CNTNAP2: variants seen among roughly 807,000 people sequenced by gnomAD.
CNTNAP2 encodes contactin associated protein 2.
CNTNAP2 carries 98 observed loss-of-function variants against 155.2 expected under a neutral mutation model. That is an observed-to-expected ratio of 0.63 (90% CI 0.54 to 0.75). The LOEUF (loss-of-function observed/expected upper bound fraction) is 0.75, where lower values mean the gene tolerates loss of function less well. Among genes scored for constraint, CNTNAP2 ranks in the 30% least tolerant of loss-of-function variants. The pLI is 0.00. For missense variants in CNTNAP2, 1,727 were observed against 1,688.1 expected, an observed-to-expected ratio of 1.02 and a Z score of -0.40; for synonymous variants, 651 against 631.2, an observed-to-expected ratio of 1.03 and a Z score of -0.47.
At chr7:147,059,576 G>T (rs1218741027) in intron 4 of CNTNAP2, among the ~76,000 whole-genome samples, 1 of 152,008 alleles carries the variant, frequency 6.6e-6, no homozygotes, top group African/African-American at 2.4e-5. Context: ...GGGTGGTTTG[G>T]TTAACTAAAC....
intron 3 of CNTNAP2, among the ~76,000 whole-genome samples, chr7:146,962,366 G>A (rs1297533122): frequency 6.6e-6 from 1 of 152,130 alleles, no homozygotes; most frequent in Admixed American, 6.5e-5. Flanking sequence ...GTTCATATTT[G>A]AGTGCAAAAT....
intron 3 of CNTNAP2, among the ~76,000 whole-genome samples, chr7:146,958,337 A>G (rs141498959): frequency 1.3e-5 from 2 of 152,238 alleles, no homozygotes; most frequent in Non-Finnish European, 2.9e-5. Context: ...AACACAGAAG[A>G]AAATGACGCA....
chr7:147,052,681 G>T (rs1358470864), intron 4 of CNTNAP2, among the ~76,000 whole-genome samples: 2 of 151,518 alleles, frequency 1.3e-5, no homozygotes, highest in Non-Finnish European at 2.9e-5. Context: ...CTGCTTCATG[G>T]GTTATGTATA....
At chr7:146,455,556 C>T (rs896581430) in intron 1 of CNTNAP2, among the ~76,000 whole-genome samples, 1 of 152,108 alleles carries the variant, frequency 6.6e-6, no homozygotes, top group Non-Finnish European at 1.5e-5. Context: ...ATCCCTGTCT[C>T]GTTTCTTAAT....
intron 21 of CNTNAP2, among the ~76,000 whole-genome samples, chr7:148,356,115 T>C (rs1248027003): frequency 6.6e-6 from 1 of 150,880 alleles, no homozygotes; most frequent in Non-Finnish European, 1.5e-5. Context: ...ATTCACAACT[T>C]TTAAAAATTT....
Position 147,866,025 on chromosome 7 carries a change from T to C in CNTNAP2, c.2099-37540T>C, listed in dbSNP as rs965212864. The stretch of plus-strand genomic sequence containing the variant: ...TTTAATTGTGATGTTAGGATGTCGA[T>C]TTTAGATCTTTCCTGCTTTCTCTTG... On this transcript the variant is annotated intron_variant, in intron 13 of 23. Transcript: ENST00000361727. 1.7e-4 allele frequency among the ~76,000 whole-genome samples: 26 copies of C among 152,224 alleles called. 1 individual carries two copies. Among genetic ancestry groups the C allele is most frequent in the Non-Finnish European group, 3.1e-4 (21 of 68,048 alleles).
intron 13 of CNTNAP2, among the ~76,000 whole-genome samples, chr7:147,774,999 C>T (rs1797536966): frequency 6.6e-6 from 1 of 151,400 alleles, no homozygotes; most frequent in African/African-American, 2.4e-5. Context: ...GACTCTTATA[C>T]CACTCTATGT....
chr7:147,779,293 G>A (rs775774318), intron 13 of CNTNAP2, among the ~76,000 whole-genome samples: 11 of 152,140 alleles, frequency 7.2e-5, no homozygotes, highest in Admixed American at 2.6e-4. Context: ...GATTGAAGAC[G>A]GGAGATTAGA....
At chr7:147,583,917 TC>T (rs1800567528) in intron 12 of CNTNAP2, among the ~76,000 whole-genome samples, 2 of 152,104 alleles carry the variant, frequency 1.3e-5, no homozygotes, top group Non-Finnish European at 2.9e-5. Context: ...GGGTGTCTCT[TC>T]CTGTGGACAT....
chr7:147,135,884 G>T (rs1479116033), intron 8 of CNTNAP2, among the ~76,000 whole-genome samples: 1 of 150,576 alleles, frequency 6.6e-6, no homozygotes, highest in Non-Finnish European at 1.5e-5. Flanking sequence ...TTGAAGTGTT[G>T]GAATTTTTAA....
intron 12 of CNTNAP2, among the ~76,000 whole-genome samples, chr7:147,620,218 G>C (rs10261888): frequency 0.093 from 14,086 of 152,172 alleles, 1,807 homozygotes; most frequent in African/African-American, 0.27. Context: ...TGGGGACAAA[G>C]AAGGTGAGAA....
intron 8 of CNTNAP2, among the ~76,000 whole-genome samples, chr7:147,218,517 T>C (rs2116587941): frequency 6.6e-6 from 1 of 152,146 alleles, no homozygotes; most frequent in South Asian, 2.1e-4. Context: ...TTAGAATGGT[T>C]TTCATTGCTT....
At chr7:146,831,824 G>A (rs1251940400) in intron 2 of CNTNAP2, among the ~76,000 whole-genome samples, 1 of 151,998 alleles carries the variant, frequency 6.6e-6, no homozygotes, top group Non-Finnish European at 1.5e-5. Flanking sequence ...GTAGAAATGG[G>A]TGACAAACAG....
At chr7:147,910,183 T>C (rs1480592829) in intron 14 of CNTNAP2, among the ~76,000 whole-genome samples, 3 of 152,222 alleles carry the variant, frequency 2.0e-5, no homozygotes, top group African/African-American at 4.8e-5. Context: ...TCCTTGTTTA[T>C]AAGAAATTTG....
chr7:147,823,778 C>G (rs1363038104), intron 13 of CNTNAP2, among the ~76,000 whole-genome samples: 1 of 150,814 alleles, frequency 6.6e-6, no homozygotes, highest in Non-Finnish European at 1.5e-5. Context: ...TGGCTTAAAA[C>G]AAAGAAAATA....
At chr7:146,437,948 T>G (rs1035304454) in intron 1 of CNTNAP2, among the ~76,000 whole-genome samples, 1 of 151,210 alleles carries the variant, frequency 6.6e-6, no homozygotes, top group South Asian at 2.1e-4. Context: ...ATGTTGCAGA[T>G]GGTACAACCA....
Position 148,387,016 on chromosome 7 carries a change from T to C in CNTNAP2, c.3715+3128T>C, listed in dbSNP as rs1585329437. Among the ~76,000 whole-genome samples, 2 of 152,298 alleles carry C rather than the reference T, an allele frequency of 1.3e-5. 1 individual carries two copies. The highest frequency in any genetic ancestry group is 4.1e-4 in the South Asian group (2 of 4,822). Reference sequence around the variant, plus strand: ...GATCTCTGTATCTCATTCATGGCCATAAAACTTCCCTGGAGAGAGGACTTA... The same window carrying C: ...GATCTCTGTATCTCATTCATGGCCACAAAACTTCCCTGGAGAGAGGACTTA... On this transcript the variant is annotated intron_variant, in intron 22 of 23. Transcript: ENST00000361727.
At chr7:147,697,770 GT>G (rs1490839335) in intron 13 of CNTNAP2, among the ~76,000 whole-genome samples, 2 of 152,156 alleles carry the variant, frequency 1.3e-5, no homozygotes, top group African/African-American at 4.8e-5. Flanking sequence ...TGGTAAAATA[GT>G]TTCTCCTCTG....
At chr7:148,174,288 T>C (rs1794888898) in intron 18 of CNTNAP2, among the ~76,000 whole-genome samples, 1 of 152,248 alleles carries the variant, frequency 6.6e-6, no homozygotes, top group African/African-American at 2.4e-5. Context: ...ATCCCACAGC[T>C]GTCCAGGAAA....
Sources: gnomAD v4.1 joint callset for allele counts (sites outside exome capture counted in the v4.1 genomes callset) on GRCh38, gnomAD v4.1.1 for gene constraint, MANE v1.5 for transcripts, NCBI Gene and HGNC (gene_info 2026-07-23, HGNC 2026-07-21) for gene names.